The following SFMBT1 variants were observed in gnomAD, a reference collection of about 807,000 sequenced individuals.
SFMBT1 encodes the protein Scm like with four mbt domains 1.
A neutral mutation model predicts 108.7 loss-of-function variants in SFMBT1; 32 were observed. The observed-to-expected ratio is 0.29, with a 90% CI of 0.22 to 0.40. The LOEUF is 0.40. Ranked by LOEUF, SFMBT1 falls within the 10% of genes least tolerant of loss-of-function variation. The pLI is 1.00. For synonymous variants in SFMBT1, 348 were observed against 369.5 expected, an observed-to-expected ratio of 0.94 and a Z score of 0.67; for missense variants, 816 against 1,059.6, an observed-to-expected ratio of 0.77 and a Z score of 3.19.
chr3:53,014,399 G>A (rs1034950149), intron 1 of SFMBT1, among the ~76,000 whole-genome samples: 6 of 151,974 alleles, frequency 3.9e-5, no homozygotes, highest in Admixed American at 1.3e-4. Context: ...GAGCCCAGGA[G>A]GTCAAGTTTA....
At chr3:53,031,917 T>C (rs1187267690) in intron 1 of SFMBT1, among the ~76,000 whole-genome samples, 1 of 152,200 alleles carries the variant, frequency 6.6e-6, no homozygotes, top group Non-Finnish European at 1.5e-5. Flanking sequence ...ATTAAAATAT[T>C]AAAATGAGCT....
At chr3:52,961,544 G>A (rs1379934981) in intron 2 of SFMBT1, among the ~76,000 whole-genome samples, 1 of 152,100 alleles carries the variant, frequency 6.6e-6, no homozygotes, top group Non-Finnish European at 1.5e-5. Context: ...CCTGGGCAAT[G>A]CTGCAAGACC....
rs1041292362 is a variant in SFMBT1, at chr3:53,043,637, T to C, written c.-131+2179A>G. On this transcript the variant is annotated intron_variant, in intron 1 of 20. Transcript: ENST00000394752. ...CCTATATTCTAAAAATGGGAAGTCA[T>C]AGATTAATACCATTGTCTGTGAACA... Among the ~76,000 whole-genome samples the C allele has an allele frequency of 2.0e-4, 31 of 152,338 alleles. 1 individual carries two copies. In the Middle Eastern group the frequency reaches 0.01, roughly 50 times the overall value.
chr3:52,995,603 G>A (rs1340205494), intron 1 of SFMBT1, among the ~76,000 whole-genome samples: 1 of 149,780 alleles, frequency 6.7e-6, no homozygotes, highest in Non-Finnish European at 1.5e-5. Flanking sequence ...GTCTCACTAT[G>A]CTGCCAGGCT....
chr3:52,934,732 G>A, intron 5 of SFMBT1, 81 bp downstream of exon 5: 1 of 1,141,470 alleles, frequency 8.8e-7, no homozygotes, highest in Non-Finnish European at 1.3e-6. Flanking sequence ...TCTTCAGAGT[G>A]GTAAATAAGC....
At chr3:53,012,417 T>C (rs4687693) in intron 1 of SFMBT1, among the ~76,000 whole-genome samples, 60,239 of 151,006 alleles carry the variant, frequency 0.4, 12,211 homozygotes, top group East Asian at 0.54. Flanking sequence ...TTTTTTTTTT[T>C]CCCGAGACGG....
At chr3:52,909,099 A>G (rs1215064545) in intron 17 of SFMBT1, among the ~76,000 whole-genome samples, 1 of 152,242 alleles carries the variant, frequency 6.6e-6, no homozygotes, top group African/African-American at 2.4e-5. Flanking sequence ...TGTGAAAAAA[A>G]TGGAAATTTT....
At chr3:53,019,908 C>A (rs35507120) in intron 1 of SFMBT1, among the ~76,000 whole-genome samples, 1 of 152,110 alleles carries the variant, frequency 6.6e-6, no homozygotes, top group Non-Finnish European at 1.5e-5. Context: ...TCCCCACTTA[C>A]CACTTCGGCT....
intron 4 of SFMBT1, among the ~76,000 whole-genome samples, chr3:52,939,204 A>G: frequency 6.6e-6 from 1 of 152,144 alleles, no homozygotes. Flanking sequence ...AGCTGCCCTC[A>G]TTTGATTTTC....
intron 1 of SFMBT1, among the ~76,000 whole-genome samples, chr3:53,004,578 T>C (rs1362970256): frequency 6.7e-6 from 1 of 150,162 alleles, no homozygotes; most frequent in East Asian, 2.0e-4. Context: ...GGCCATTCTT[T>C]CTTTTTTAAA....
intron 1 of SFMBT1, among the ~76,000 whole-genome samples, chr3:53,017,011 T>C (rs1306053986): frequency 3.3e-5 from 5 of 152,248 alleles, no homozygotes; most frequent in Admixed American, 1.3e-4. Flanking sequence ...TCTAGACTTA[T>C]ATAACCACTA....
chr3:53,045,370 CGGGGCGCGCGCGGGGA>C (rs1367108277), intron 1 of SFMBT1: 2 of 139,226 alleles, frequency 1.4e-5, no homozygotes, highest in Non-Finnish European at 3.1e-5. Flanking sequence ...GGGCGGAGCG[CGGGGCGCGCGCGGGGA>C]GGGGCGCGCG....
intron 2 of SFMBT1, among the ~76,000 whole-genome samples, chr3:52,956,297 T>C (rs919051629): frequency 1.3e-5 from 2 of 151,898 alleles, no homozygotes; most frequent in African/African-American, 2.4e-5. Flanking sequence ...CCGTCTCTAC[T>C]AAAAATACAA....
intron 1 of SFMBT1, among the ~76,000 whole-genome samples, chr3:53,033,963 G>A (rs1304644394): frequency 2.0e-5 from 3 of 150,974 alleles, no homozygotes; most frequent in Non-Finnish European, 4.4e-5. Flanking sequence ...CCAGCTACTT[G>A]GGAGGCTGAG....
chr3:52,930,244 A>C, intron 8 of SFMBT1, 85 bp downstream of exon 8: 6 of 821,170 alleles, frequency 7.3e-6, no homozygotes, highest in South Asian at 1.4e-5. Context: ...TTGGATCAAT[A>C]GAGCTTAAAG....
At chr3:52,983,358 T>C (rs558443693) in intron 1 of SFMBT1, among the ~76,000 whole-genome samples, 2 of 152,338 alleles carry the variant, frequency 1.3e-5, no homozygotes, top group East Asian at 3.9e-4. Context: ...ACATATAAAA[T>C]ACGTGTTGAT....
intron 1 of SFMBT1, among the ~76,000 whole-genome samples, chr3:53,034,070 CCAAAAAAA>C (rs1699782158): frequency 1.5e-5 from 1 of 68,288 alleles, no homozygotes; most frequent in East Asian, 6.6e-4. Flanking sequence ...AACTCTGTCT[CCAAAAAAA>C]AAAAAAAAAA....
chr3:52,928,104 G>A, intron 9 of SFMBT1, 87 bp downstream of exon 9: 2 of 1,524,322 alleles, frequency 1.3e-6, no homozygotes, highest in Non-Finnish European at 1.8e-6. Context: ...GGAGGAGAGG[G>A]ACAAAAGATT....
At chr3:53,018,520 G>A (rs1198182707) in intron 1 of SFMBT1, among the ~76,000 whole-genome samples, 1 of 152,050 alleles carries the variant, frequency 6.6e-6, no homozygotes, top group Admixed American at 6.6e-5. Context: ...ACACAAACAG[G>A]CTCTCATGTT....
Sources: allele counts gnomAD v4.1 joint callset (sites outside exome capture counted in the v4.1 genomes callset), GRCh38; gene constraint gnomAD v4.1.1; transcripts MANE v1.5; gene names NCBI Gene and HGNC (gene_info 2026-07-23, HGNC 2026-07-21).